Variants in TNS3 observed in about 807,000 individuals in gnomAD.
TNS3 encodes the protein tensin-3.
In TNS3, 45 loss-of-function variants were observed where a neutral mutation model predicts 140.9. That is an observed-to-expected ratio of 0.32 (90% CI 0.25 to 0.41). TNS3 has a LOEUF of 0.41. TNS3 is among the 10% of genes least tolerant of loss of function. The pLI is 1.00. For synonymous variants in TNS3, 815 were observed against 788.4 expected (o/e 1.03, Z -0.56); for missense variants, 1,716 against 1,906.7 (o/e 0.90, Z 1.86).
At chr7:47,543,453 C>A (rs1163337155) in intron 1 of TNS3, among the ~76,000 whole-genome samples, 1 of 152,208 alleles carries the variant, frequency 6.6e-6, no homozygotes, top group Admixed American at 6.5e-5. Context: ...CCAGTCCCTG[C>A]GGTGAGGGGG....
Position 47,506,209 on chromosome 7 carries a change from T to A in TNS3, c.-115+698A>T, listed in dbSNP as rs532585384. ...ACCCAAATCATACTTGGGGATTCCG[T>A]AAGTACAGCCACCATCCCCAGGAGA... On this transcript the variant is annotated intron_variant, in intron 3 of 30. Coordinates refer to ENST00000311160, the MANE Select transcript of TNS3 (RefSeq NM_022748.12). Among the ~76,000 whole-genome samples, 25 of 152,288 alleles carry A rather than the reference T, an allele frequency of 1.6e-4. 1 individual carries two copies. The South Asian group carries it at 5.2e-3, about 32-fold the overall frequency.
chr7:47,324,301 G>A (rs902739045), intron 20 of TNS3, among the ~76,000 whole-genome samples: 1 of 152,084 alleles, frequency 6.6e-6, no homozygotes, highest in African/African-American at 2.4e-5. Context: ...TATAAATTTT[G>A]AATCAGCTTA....
At chr7:47,373,154 G>A (rs1374090788) in intron 16 of TNS3, among the ~76,000 whole-genome samples, 1 of 152,164 alleles carries the variant, frequency 6.6e-6, no homozygotes, top group Non-Finnish European at 1.5e-5. Flanking sequence ...TTTGCAAAAG[G>A]AAGAGCTTGA....
At chr7:47,559,839 G>C (rs953973715) in intron 1 of TNS3, among the ~76,000 whole-genome samples, 1 of 152,196 alleles carries the variant, frequency 6.6e-6, no homozygotes, top group Non-Finnish European at 1.5e-5. Flanking sequence ...CTGTAGCATA[G>C]GACAAGGAAA....
chr7:47,468,786 A>G (rs1562778131), intron 4 of TNS3, among the ~76,000 whole-genome samples: 1 of 152,374 alleles, frequency 6.6e-6, no homozygotes, highest in East Asian at 1.9e-4. Flanking sequence ...TAGCCAAAGC[A>G]ATCCTAAGCA....
intron 1 of TNS3, among the ~76,000 whole-genome samples, chr7:47,563,247 A>G (rs1355103864): frequency 3.9e-5 from 6 of 152,222 alleles, no homozygotes; most frequent in African/African-American, 9.6e-5. Flanking sequence ...ACCTAGGCCA[A>G]CGACAAAGAT....
chr7:47,500,891 C>A (rs1259545481), intron 3 of TNS3, among the ~76,000 whole-genome samples: 3 of 151,874 alleles, frequency 2.0e-5, no homozygotes, highest in Admixed American at 6.6e-5. Flanking sequence ...ACCAGCCTGG[C>A]CAATATGGTG....
At chr7:47,580,265 G>A (rs776651242) in intron 1 of TNS3, among the ~76,000 whole-genome samples, 25 of 152,074 alleles carry the variant, frequency 1.6e-4, no homozygotes, top group Non-Finnish European at 2.6e-4. Flanking sequence ...ATTTCATCTC[G>A]GCCAAGTTAC....
chr7:47,526,972 C>A (rs1799216159), intron 2 of TNS3, among the ~76,000 whole-genome samples: 1 of 152,184 alleles, frequency 6.6e-6, no homozygotes, highest in Non-Finnish European at 1.5e-5. Flanking sequence ...GTGGCTCACG[C>A]CTGTAATCCC....
chr7:47,443,074 G>A (rs1011818018), intron 4 of TNS3, among the ~76,000 whole-genome samples: 4 of 152,110 alleles, frequency 2.6e-5, no homozygotes, highest in African/African-American at 7.2e-5. Context: ...CCCAAGACAG[G>A]GGCAGGATCT....
chr7:47,304,562 T>C (rs917711780), intron 21 of TNS3, among the ~76,000 whole-genome samples: 2 of 151,884 alleles, frequency 1.3e-5, no homozygotes, highest in Admixed American at 6.6e-5. Flanking sequence ...CAGGTCTTTC[T>C]GTAAACCAGA....
rs557611806 is a variant in TNS3, at chr7:47,336,112, T to C, written c.2650+8643A>G. Among the ~76,000 whole-genome samples the C allele has an allele frequency of 2.0e-5, 3 of 151,502 alleles. 1 individual carries two copies. The East Asian group carries it at 5.8e-4, about 29-fold the overall frequency. ...CGGAAAATCTTTCCAAATATTTGAA[T>C]GTCAAAATGCAGAAAGATCTCTTTG... On this transcript the variant is annotated intron_variant, in intron 20 of 30. Transcript: ENST00000311160.
intron 3 of TNS3, among the ~76,000 whole-genome samples, chr7:47,496,029 TGG>T (rs934530263): frequency 1.3e-5 from 2 of 152,070 alleles, no homozygotes; most frequent in African/African-American, 2.4e-5. Flanking sequence ...GCCACAGGGC[TGG>T]GGAGAGGCCC....
At position 47,431,407 on chromosome 7, in the gene TNS3, A is replaced by G. The variant is rs544144950; in HGVS notation, c.325-3031T>C. On this transcript the variant is annotated intron_variant, in intron 8 of 30. Coordinates refer to ENST00000311160, the MANE Select transcript of TNS3 (RefSeq NM_022748.12). ...CAGGAGATCAAGACCTTCCTGGCCA[A>G]CATGGTGAAACCCCATCTCTATTAA... Among the ~76,000 whole-genome samples, 90 of 152,280 alleles carry G rather than the reference A, an allele frequency of 5.9e-4. 1 individual carries two copies. In the South Asian group the frequency reaches 0.018, roughly 30 times the overall value.
At chr7:47,370,169 G>A (rs1052360302) in intron 16 of TNS3, among the ~76,000 whole-genome samples, 4 of 152,036 alleles carry the variant, frequency 2.6e-5, no homozygotes, top group East Asian at 1.9e-4. Context: ...CCAGCTACTC[G>A]GGAGGCTGAG....
intron 1 of TNS3, among the ~76,000 whole-genome samples, chr7:47,540,177 C>T (rs1799744160): frequency 6.6e-6 from 1 of 152,048 alleles, no homozygotes; most frequent in Non-Finnish European, 1.5e-5. Flanking sequence ...AAGGTTCTTC[C>T]CAGGAACAAA....
In TNS3 at chr7:47,381,674, G is replaced by A. The variant is rs546453892; in HGVS notation, c.1025-12053C>T. On this transcript the variant is annotated intron_variant, in intron 16 of 30. Transcript: ENST00000311160. The stretch of plus-strand genomic sequence containing the variant: ...ACAAATCTTTTAAATCACCCGAGAT[G>A]GCCACATTGGCATATGTCGCTTACA... Among the ~76,000 whole-genome samples, 94 of 152,280 alleles carry A rather than the reference G, an allele frequency of 6.2e-4. 2 individuals carry two copies. The South Asian group carries it at 0.017, about 28-fold the overall frequency.
chr7:47,432,854 C>T (rs1052853659), intron 8 of TNS3, among the ~76,000 whole-genome samples: 6 of 152,234 alleles, frequency 3.9e-5, no homozygotes, highest in African/African-American at 1.4e-4. Flanking sequence ...GCACGATAGG[C>T]TCATGGACTG....
chr7:47,525,804 A>G (rs1799170261), intron 2 of TNS3, among the ~76,000 whole-genome samples: 1 of 152,186 alleles, frequency 6.6e-6, no homozygotes, highest in Non-Finnish European at 1.5e-5. Context: ...GTGCACCCAC[A>G]CACTCAGGCA....
Sources: allele counts gnomAD v4.1 joint callset (sites outside exome capture counted in the v4.1 genomes callset), GRCh38; gene constraint gnomAD v4.1.1; transcripts MANE v1.5; gene names NCBI Gene and HGNC (gene_info 2026-07-23, HGNC 2026-07-21).